Variants in DGKB observed in about 807,000 individuals in gnomAD.
The protein encoded by DGKB is 90 kDa diacylglycerol kinase.
A neutral mutation model predicts 114.3 loss-of-function variants in DGKB; 67 were observed. The ratio of observed to expected loss-of-function variants is 0.59; its 90% CI spans 0.48 to 0.72. The LOEUF is 0.72. DGKB is among the 30% of genes least tolerant of loss of function. DGKB has a pLI of 0.00. For missense variants in DGKB, 907 were observed against 975.2 expected (o/e 0.93, Z 0.93); for synonymous variants, 398 against 323.1 (o/e 1.23, Z -2.49).
intron 13 of DGKB, among the ~76,000 whole-genome samples, chr7:14,638,217 T>C (rs1377020745): frequency 6.6e-6 from 1 of 152,054 alleles, no homozygotes; most frequent in Non-Finnish European, 1.5e-5. Flanking sequence ...CTACAACACA[T>C]AAAACTCACC....
chr7:14,209,959 G>T (rs984308306), intron 23 of DGKB, among the ~76,000 whole-genome samples: 1 of 151,674 alleles, frequency 6.6e-6, no homozygotes, highest in Non-Finnish European at 1.5e-5. Context: ...GAATATGCAG[G>T]TGCACTAATA....
intron 23 of DGKB, among the ~76,000 whole-genome samples, chr7:14,267,465 C>CT (rs1191439995): frequency 7.2e-6 from 1 of 138,958 alleles, no homozygotes; most frequent in African/African-American, 2.6e-5. Context: ...GTAATAAGTG[C>CT]TTATTTTTTT....
intron 4 of DGKB, among the ~76,000 whole-genome samples, chr7:14,749,131 T>C (rs1833769779): frequency 6.6e-6 from 1 of 152,204 alleles, no homozygotes; most frequent in Non-Finnish European, 1.5e-5. Context: ...ATATGCAGCA[T>C]GGCTATCTTA....
At chr7:14,220,046 T>C (rs1180096442) in intron 23 of DGKB, among the ~76,000 whole-genome samples, 1 of 151,624 alleles carries the variant, frequency 6.6e-6, no homozygotes, top group East Asian at 1.9e-4. Flanking sequence ...CTTACACAAA[T>C]ATAGATGATA....
intron 23 of DGKB, among the ~76,000 whole-genome samples, chr7:14,207,062 G>C (rs1269747695): frequency 1.3e-5 from 2 of 151,946 alleles, no homozygotes. Context: ...GAGTTGAAGA[G>C]GTTGATCATG....
chr7:14,393,432 A>T (rs951871957), intron 21 of DGKB, among the ~76,000 whole-genome samples: 40 of 152,208 alleles, frequency 2.6e-4, no homozygotes, highest in Admixed American at 4.6e-4. Context: ...GATTTAAAAA[A>T]GCACTCAATA....
intron 20 of DGKB, among the ~76,000 whole-genome samples, chr7:14,512,825 C>A (rs940116134): frequency 1.3e-5 from 2 of 152,066 alleles, no homozygotes; most frequent in Admixed American, 6.6e-5. Flanking sequence ...CTCCCTCAGA[C>A]AAAGTTTACA....
At chr7:14,421,061 C>A (rs769188159) in intron 21 of DGKB, among the ~76,000 whole-genome samples, 47 of 152,224 alleles carry the variant, frequency 3.1e-4, no homozygotes, top group Middle Eastern at 3.4e-3. Context: ...ATTTCAGCCT[C>A]TGATTGGCCA....
At chr7:14,338,450 C>T (rs1811068379) in intron 23 of DGKB, 65 bp downstream of exon 23, 1 of 1,039,230 alleles carries the variant, frequency 9.6e-7, no homozygotes, top group Admixed American at 2.7e-5. Flanking sequence ...AGACTCTTTA[C>T]TTTTAAAGAA....
chr7:14,944,646 T>C (rs542751177), intron 1 of DGKB, among the ~76,000 whole-genome samples: 2 of 151,900 alleles, frequency 1.3e-5, no homozygotes, highest in South Asian at 2.1e-4. Context: ...ACCAGGTTAT[T>C]TGGCATTTCT....
At chr7:14,651,312 G>C (rs1338396300) in intron 13 of DGKB, among the ~76,000 whole-genome samples, 1 of 151,944 alleles carries the variant, frequency 6.6e-6, no homozygotes, top group African/African-American at 2.4e-5. Flanking sequence ...GATCAAGTGG[G>C]CTTCATCCCT....
intron 13 of DGKB, among the ~76,000 whole-genome samples, chr7:14,666,560 G>A (rs1818058869): frequency 6.6e-6 from 1 of 151,996 alleles, no homozygotes; most frequent in African/African-American, 2.4e-5. Context: ...ATTAAAGGCA[G>A]AACATCTGTT....
intron 20 of DGKB, among the ~76,000 whole-genome samples, chr7:14,492,339 G>C (rs561169657): frequency 7.2e-5 from 11 of 151,920 alleles, no homozygotes; most frequent in African/African-American, 9.7e-5. Flanking sequence ...TGTCTAGGGT[G>C]GGGGGTGATG....
At chr7:14,963,180 G>A (rs371494651) in intron 1 of DGKB, among the ~76,000 whole-genome samples, 4 of 152,018 alleles carry the variant, frequency 2.6e-5, no homozygotes, top group Non-Finnish European at 4.4e-5. Flanking sequence ...TTGTTATTTT[G>A]CTTGGTGGAT....
intron 21 of DGKB, among the ~76,000 whole-genome samples, chr7:14,406,679 G>A (rs1823989270): frequency 6.6e-6 from 1 of 152,020 alleles, no homozygotes; most frequent in African/African-American, 2.4e-5. Flanking sequence ...CTTGTAAAAT[G>A]CAGAGAATGA....
chr7:14,608,521 A>C (rs1260169263), intron 16 of DGKB, among the ~76,000 whole-genome samples: 1 of 151,994 alleles, frequency 6.6e-6, no homozygotes, highest in African/African-American at 2.4e-5. Flanking sequence ...CCCCTTCAAA[A>C]CTGGAACAAA....
chr7:14,612,525 A>G (rs1370392745), intron 16 of DGKB, among the ~76,000 whole-genome samples: 1 of 152,134 alleles, frequency 6.6e-6, no homozygotes. Context: ...AGAAAGCTGG[A>G]AAGTTAAATG....
intron 1 of DGKB, among the ~76,000 whole-genome samples, chr7:14,933,978 T>C (rs116947731): frequency 0.026 from 3,999 of 152,234 alleles, 83 homozygotes; most frequent in Non-Finnish European, 0.041. Flanking sequence ...AATCCACCCA[T>C]TGAGTCTGTA....
At chr7:14,156,894 C>G (rs1461773622) in intron 25 of DGKB, among the ~76,000 whole-genome samples, 1 of 151,872 alleles carries the variant, frequency 6.6e-6, no homozygotes, top group Non-Finnish European at 1.5e-5. Context: ...GATAATGTAC[C>G]AACTGATCAA....
Sources: allele counts gnomAD v4.1 joint callset (sites outside exome capture counted in the v4.1 genomes callset), GRCh38; gene constraint gnomAD v4.1.1; transcripts MANE v1.5; gene names NCBI Gene and HGNC (gene_info 2026-07-23, HGNC 2026-07-21).